The following KANSL1 variants were observed in gnomAD, a reference collection of about 807,000 sequenced individuals.
KANSL1 encodes the protein KAT8 regulatory NSL complex subunit 1.
In KANSL1, 22 loss-of-function variants were observed where a neutral mutation model predicts 103.6. The observed-to-expected ratio is 0.21, with a 90% CI of 0.15 to 0.30. The LOEUF is 0.30. Ranked by LOEUF, KANSL1 falls within the 10% of genes least tolerant of loss-of-function variation. KANSL1 has a pLI of 1.00. For synonymous variants in KANSL1, 600 were observed against 527.6 expected (o/e 1.14, Z -1.88); for missense variants, 1,337 against 1,399.8 (o/e 0.96, Z 0.72).
chr17:46,210,359 G>A (rs1470302440), intron 1 of KANSL1, among the ~76,000 whole-genome samples: 1 of 151,940 alleles, frequency 6.6e-6, no homozygotes, highest in African/African-American at 2.4e-5. Flanking sequence ...TGTAGTCATA[G>A]CTACTCGGGA....
intron 2 of KANSL1, among the ~76,000 whole-genome samples, chr17:46,141,072 T>TA (rs374950728): frequency 0.13 from 18,646 of 143,388 alleles, 32 homozygotes; most frequent in Middle Eastern, 0.2. Flanking sequence ...CCTGTTTGTT[T>TA]AAAAAAAAAA....
At chr17:46,068,829 T>C (rs1201091508) in intron 4 of KANSL1, among the ~76,000 whole-genome samples, 2 of 152,206 alleles carry the variant, frequency 1.3e-5, no homozygotes, top group Admixed American at 6.5e-5. Context: ...GCCAGTCATA[T>C]AGCACCTCTG....
chr17:46,099,281 G>T (rs1340431833), intron 2 of KANSL1, among the ~76,000 whole-genome samples: 1 of 107,684 alleles, frequency 9.3e-6, no homozygotes, highest in African/African-American at 2.8e-5. Flanking sequence ...CCGAGATTGC[G>T]CCACTGCACT....
intron 2 of KANSL1, among the ~76,000 whole-genome samples, chr17:46,105,885 A>G (rs936314499): frequency 4.0e-5 from 5 of 124,704 alleles, no homozygotes; most frequent in Non-Finnish European, 9.5e-5. Flanking sequence ...ACACACACAC[A>G]CACACACAGA....
intron 4 of KANSL1, among the ~76,000 whole-genome samples, chr17:46,081,027 G>C (rs934016720): frequency 9.9e-5 from 15 of 151,298 alleles, no homozygotes; most frequent in African/African-American, 3.4e-4. Context: ...GTAGGGAAAG[G>C]ACCAAGCTCC....
At chr17:46,107,154 T>C (rs180694052) in intron 2 of KANSL1, among the ~76,000 whole-genome samples, 7 of 152,340 alleles carry the variant, frequency 4.6e-5, no homozygotes, top group Admixed American at 2.6e-4. Context: ...CCTGCCTCCA[T>C]ATAAGGGAAG....
intron 6 of KANSL1, among the ~76,000 whole-genome samples, chr17:46,056,262 G>C (rs572793281): frequency 6.6e-6 from 1 of 152,110 alleles, no homozygotes; most frequent in African/African-American, 2.4e-5. Flanking sequence ...GCCTCCCAAA[G>C]TGCTAGAATA....
chr17:46,048,009 C>T (rs938471695), intron 7 of KANSL1, among the ~76,000 whole-genome samples: 3 of 151,666 alleles, frequency 2.0e-5, no homozygotes, highest in Non-Finnish European at 4.4e-5. Context: ...CTGGGCTCAG[C>T]TGATCCTCCC....
intron 2 of KANSL1, among the ~76,000 whole-genome samples, chr17:46,124,694 C>A (rs1252179337): frequency 1.3e-5 from 2 of 152,152 alleles, no homozygotes; most frequent in African/African-American, 4.8e-5. Flanking sequence ...TCAACCCCAA[C>A]AGGAGTTTGG....
At chr17:46,095,898 ATG>A (rs1256518714) in intron 2 of KANSL1, among the ~76,000 whole-genome samples, 2 of 152,178 alleles carry the variant, frequency 1.3e-5, no homozygotes, top group Non-Finnish European at 2.9e-5. Context: ...ATATATAAAA[ATG>A]TGTCATCTCG....
intron 3 of KANSL1, chr17:46,088,722 A>T (rs1480782455): frequency 6.6e-6 from 1 of 152,076 alleles, no homozygotes; most frequent in Admixed American, 6.6e-5. Flanking sequence ...AATAAAAAAA[A>T]CCCTTTAACA....
At chr17:46,215,822 C>A (rs1012193459) in intron 1 of KANSL1, among the ~76,000 whole-genome samples, 3 of 152,166 alleles carry the variant, frequency 2.0e-5, no homozygotes, top group African/African-American at 7.2e-5. Context: ...AGGTGGATCA[C>A]CTGAGGTCAG....
At chr17:46,181,156 T>C (rs1043844149) in intron 1 of KANSL1, among the ~76,000 whole-genome samples, 4 of 152,306 alleles carry the variant, frequency 2.6e-5, no homozygotes, top group Admixed American at 2.0e-4. Context: ...AGGCCAAATA[T>C]ATGACAAACA....
At chr17:46,062,103 A>C (rs1353074846) in intron 6 of KANSL1, among the ~76,000 whole-genome samples, 6 of 62,660 alleles carry the variant, frequency 9.6e-5, no homozygotes, top group Non-Finnish European at 9.0e-5. Flanking sequence ...AAAAAAAAAA[A>C]AAAAAACAAA....
chr17:46,155,039 TAAGTG>T, intron 2 of KANSL1, among the ~76,000 whole-genome samples: 1 of 152,074 alleles, frequency 6.6e-6, no homozygotes, highest in Non-Finnish European at 1.5e-5. Flanking sequence ...TATAAAATAG[TAAGTG>T]AAATAACTAT....
At chr17:46,123,037 A>G (rs1278372568) in intron 2 of KANSL1, among the ~76,000 whole-genome samples, 1 of 152,256 alleles carries the variant, frequency 6.6e-6, no homozygotes, top group African/African-American at 2.4e-5. Flanking sequence ...AAAGCTAGAA[A>G]TAGACACTTG....
At chr17:46,063,292 G>C (rs942340302) in intron 6 of KANSL1, among the ~76,000 whole-genome samples, 1 of 152,112 alleles carries the variant, frequency 6.6e-6, no homozygotes, top group African/African-American at 2.4e-5. Context: ...TGAAGATAAG[G>C]GCTTTGTTTT....
chr17:46,033,058 G>A (rs926077500), intron 13 of KANSL1, 22 bp downstream of exon 13: 1 of 1,542,574 alleles, frequency 6.5e-7, no homozygotes, highest in South Asian at 1.2e-5. Context: ...CAGGCCCTGG[G>A]GACCCAAGCC....
In KANSL1 at chr17:46,090,842, C is replaced by T. The variant is rs561037664; in HGVS notation, c.1431+3718G>A. ...TGCTGGTGTAAAGAAACCTACAGTG[C>T]TGCTATTAGAAGTATACCACATACA... On this transcript the variant is annotated intron_variant, in intron 3 of 14. Coordinates refer to ENST00000432791, the MANE Select transcript of KANSL1 (RefSeq NM_015443.4). 2.6e-5 allele frequency among the ~76,000 whole-genome samples: 4 copies of T among 152,310 alleles called. No individual in the cohort carries two copies. In the East Asian group the frequency reaches 7.7e-4, roughly 29 times the overall value.
Sources: allele counts gnomAD v4.1 joint callset (sites outside exome capture counted in the v4.1 genomes callset), GRCh38; gene constraint gnomAD v4.1.1; transcripts MANE v1.5; gene names NCBI Gene and HGNC (gene_info 2026-07-23, HGNC 2026-07-21).